The following NEGR1 variants were observed in gnomAD, a reference collection of about 807,000 sequenced individuals.
NEGR1 encodes the protein neuronal growth regulator 1.
A neutral mutation model predicts 40.9 loss-of-function variants in NEGR1; 10 were observed. The ratio of observed to expected loss-of-function variants is 0.24; its 90% CI spans 0.15 to 0.42. The LOEUF (loss-of-function observed/expected upper bound fraction) is 0.42. NEGR1 is among the 10% of genes least tolerant of loss of function. NEGR1 has a pLI of 1.00. For missense variants in NEGR1, 352 were observed against 438.9 expected, an observed-to-expected ratio of 0.80 and a Z score of 1.77; for synonymous variants, 185 against 166.8, an observed-to-expected ratio of 1.11 and a Z score of -0.84.
chr1:71,593,121 A>C (rs889991703), intron 5 of NEGR1, among the ~76,000 whole-genome samples, 153 bp from the exon 6 acceptor site: 1 of 152,156 alleles, frequency 6.6e-6, no homozygotes, highest in Non-Finnish European at 1.5e-5. Context: ...CATTTCACTT[A>C]CATTAGTAGA....
chr1:72,272,877 C>T (rs1191148760), intron 1 of NEGR1, among the ~76,000 whole-genome samples: 2 of 151,980 alleles, frequency 1.3e-5, no homozygotes, highest in Non-Finnish European at 2.9e-5. Flanking sequence ...TTGGAAAGTA[C>T]AATATATTGG....
intron 1 of NEGR1, among the ~76,000 whole-genome samples, chr1:72,069,243 CT>C (rs1647360490): frequency 6.6e-6 from 1 of 151,832 alleles, no homozygotes; most frequent in South Asian, 2.1e-4. Context: ...AACCCCGTCT[CT>C]ACTAAAAATA....
intron 3 of NEGR1, among the ~76,000 whole-genome samples, chr1:71,700,097 G>T (rs76876699): frequency 1.2e-4 from 18 of 151,798 alleles, no homozygotes; most frequent in Non-Finnish European, 2.5e-4. Flanking sequence ...GTTAGAGAAG[G>T]TAGATCAATT....
intron 4 of NEGR1, among the ~76,000 whole-genome samples, chr1:71,692,799 T>C (rs1042800142): frequency 9.2e-5 from 14 of 151,844 alleles, no homozygotes; most frequent in Admixed American, 2.6e-4. Context: ...TGCACAAATA[T>C]GTGCCTGTAA....
chr1:71,695,011 T>C (rs1163472673), intron 4 of NEGR1, among the ~76,000 whole-genome samples: 1 of 151,806 alleles, frequency 6.6e-6, no homozygotes, highest in African/African-American at 2.4e-5. Context: ...TTTTGGGCTT[T>C]GACAAACTAA....
intron 2 of NEGR1, among the ~76,000 whole-genome samples, chr1:71,798,426 G>C (rs935626960): frequency 6.6e-6 from 1 of 151,964 alleles, no homozygotes; most frequent in Non-Finnish European, 1.5e-5. Flanking sequence ...TAAGACATTA[G>C]GTGACAATAA....
chr1:71,463,606 T>C (rs977145), intron 6 of NEGR1: 113,867 of 152,076 alleles, frequency 0.75, 43,058 homozygotes, highest in Non-Finnish European at 0.77. Context: ...TCTGTTACTG[T>C]ACTATTAGTG....
chr1:71,682,064 C>T (rs955536167), intron 4 of NEGR1, among the ~76,000 whole-genome samples: 5 of 152,058 alleles, frequency 3.3e-5, no homozygotes, highest in Non-Finnish European at 5.9e-5. Flanking sequence ...TGGCCTCAAG[C>T]GATCCACCCA....
At chr1:72,080,656 G>A (rs1193221890) in intron 1 of NEGR1, among the ~76,000 whole-genome samples, 1 of 152,026 alleles carries the variant, frequency 6.6e-6, no homozygotes, top group Non-Finnish European at 1.5e-5. Context: ...TACACCTGGA[G>A]TTGTATTCTG....
intron 1 of NEGR1, among the ~76,000 whole-genome samples, chr1:72,133,952 G>A (rs764037944): frequency 4.6e-5 from 7 of 151,598 alleles, no homozygotes; most frequent in South Asian, 2.1e-4. Flanking sequence ...GAAAAATCAT[G>A]TGTTTCATAA....
intron 2 of NEGR1, among the ~76,000 whole-genome samples, chr1:71,934,236 G>A (rs1374067404): frequency 3.3e-5 from 5 of 151,914 alleles, no homozygotes; most frequent in Admixed American, 6.6e-5. Context: ...AAAAATAAAC[G>A]TTTTCCATTC....
intron 1 of NEGR1, among the ~76,000 whole-genome samples, chr1:72,018,494 C>T (rs751644444): frequency 3.9e-5 from 6 of 152,020 alleles, no homozygotes; most frequent in South Asian, 2.1e-4. Flanking sequence ...ATATTATGTA[C>T]GTTTTATGAC....
chr1:71,669,529 T>G (rs2101598199), intron 4 of NEGR1, among the ~76,000 whole-genome samples: 1 of 152,320 alleles, frequency 6.6e-6, no homozygotes, highest in South Asian at 2.1e-4. Context: ...GCTTGCAGCC[T>G]TGAATTACTG....
At chr1:71,896,696 G>T (rs1489870674) in intron 2 of NEGR1, among the ~76,000 whole-genome samples, 2 of 151,998 alleles carry the variant, frequency 1.3e-5, no homozygotes, top group African/African-American at 2.4e-5. Flanking sequence ...TCAGATTTTT[G>T]ATCATTTTGA....
At chr1:71,613,398 G>A (rs925688105) in intron 4 of NEGR1, among the ~76,000 whole-genome samples, 1 of 152,118 alleles carries the variant, frequency 6.6e-6, no homozygotes, top group African/African-American at 2.4e-5. Flanking sequence ...TATAATCCCA[G>A]CACTTTGGGA....
intron 1 of NEGR1, among the ~76,000 whole-genome samples, chr1:72,082,822 C>G (rs906070381): frequency 6.6e-6 from 1 of 151,928 alleles, no homozygotes; most frequent in Admixed American, 6.6e-5. Context: ...TTTTCTTAAC[C>G]AATTTTTGCA....
intron 4 of NEGR1, among the ~76,000 whole-genome samples, chr1:71,688,108 T>C (rs12082706): frequency 0.036 from 5,452 of 151,346 alleles, 125 homozygotes; most frequent in African/African-American, 0.07. Flanking sequence ...ATCTCATGTC[T>C]TAACTCAGTT....
intron 2 of NEGR1, among the ~76,000 whole-genome samples, chr1:71,807,193 G>T (rs1657808880): frequency 6.6e-6 from 1 of 152,010 alleles, no homozygotes; most frequent in Non-Finnish European, 1.5e-5. Flanking sequence ...ACCGCACCTG[G>T]CCATGTCGAT....
At chr1:71,801,446 A>T (rs551317066) in intron 2 of NEGR1, among the ~76,000 whole-genome samples, 5 of 152,314 alleles carry the variant, frequency 3.3e-5, no homozygotes, top group African/African-American at 1.2e-4. Flanking sequence ...TCTGTTCAGT[A>T]TCTTCACATG....
Sources: gnomAD v4.1 joint callset for allele counts (sites outside exome capture counted in the v4.1 genomes callset) on GRCh38, gnomAD v4.1.1 for gene constraint, MANE v1.5 for transcripts, NCBI Gene and HGNC (gene_info 2026-07-23, HGNC 2026-07-21) for gene names.